The following TULP4 variants were observed in gnomAD, a reference collection of about 807,000 sequenced individuals.
TULP4 encodes TUB like protein 4, also known as tubby-related protein 4.
TULP4 carries 16 observed loss-of-function variants against 129.0 expected under a neutral mutation model. The observed-to-expected ratio is 0.12, with a 90% confidence interval of 0.08 to 0.19. The LOEUF (loss-of-function observed/expected upper bound fraction) is 0.19, where lower values mean the gene tolerates loss of function less well. Among genes scored for constraint, TULP4 ranks in the 10% least tolerant of loss-of-function variants. TULP4 has a pLI of 1.00. For synonymous variants in TULP4, 998 were observed against 854.0 expected (o/e 1.17, Z -2.94); for missense variants, 1,842 against 2,059.1 (o/e 0.89, Z 2.04).
chr6:158,334,031 A>C (rs185379802), intron 1 of TULP4, among the ~76,000 whole-genome samples: 1 of 152,278 alleles, frequency 6.6e-6, no homozygotes, highest in East Asian at 1.9e-4. Context: ...TATCCGCTTA[A>C]AATATTGTGT....
At chr6:158,315,317 G>A (rs1194566028) in intron 1 of TULP4, among the ~76,000 whole-genome samples, 1 of 152,042 alleles carries the variant, frequency 6.6e-6, no homozygotes, top group Non-Finnish European at 1.5e-5. Context: ...GAGGATGAGA[G>A]TGTCTCTGAG....
intron 13 of TULP4, among the ~76,000 whole-genome samples, chr6:158,505,567 G>A (rs1274085953): frequency 6.6e-6 from 1 of 152,238 alleles, no homozygotes. Flanking sequence ...TAGGATCAGG[G>A]CAGTGAGGAA....
At chr6:158,323,853 C>G (rs1779690076) in intron 1 of TULP4, among the ~76,000 whole-genome samples, 2 of 152,168 alleles carry the variant, frequency 1.3e-5, no homozygotes, top group African/African-American at 4.8e-5. Context: ...GAAACTGCAG[C>G]TTTAGGTGAA....
At chr6:158,456,010 T>C (rs1279459792) in intron 5 of TULP4, among the ~76,000 whole-genome samples, 1 of 152,172 alleles carries the variant, frequency 6.6e-6, no homozygotes, top group Non-Finnish European at 1.5e-5. Context: ...GAAGTTTTTA[T>C]ACCCTTTCCA....
chr6:158,232,564 G>T (rs1483606240), intron 1 of TULP4, among the ~76,000 whole-genome samples: 1 of 151,964 alleles, frequency 6.6e-6, no homozygotes, highest in Non-Finnish European at 1.5e-5. Context: ...GTCTCCGCGT[G>T]TGAGAAAATG....
chr6:158,331,782 C>T (rs9364487), intron 1 of TULP4, among the ~76,000 whole-genome samples: 42,003 of 51,106 alleles, frequency 0.82, 18,602 homozygotes, highest in South Asian at 0.91. Flanking sequence ...TATATATACA[C>T]ACACACATAC....
chr6:158,297,704 C>T (rs544651785), intron 1 of TULP4, among the ~76,000 whole-genome samples: 4 of 152,260 alleles, frequency 2.6e-5, no homozygotes, highest in African/African-American at 9.6e-5. Flanking sequence ...GCCTGACTTC[C>T]CACAACAGAT....
chr6:158,312,814 GTC>G lies in TULP4; in HGVS notation c.-1199_-1198del, dbSNP rs1443761207. ...ACTAGTGGTGTGGTGTTTGGAGACA[GTC>G]TCTGAATGTGAACAGGAAAGCACCC... On this transcript the variant is annotated 5_prime_UTR_variant, in exon 1 of 14. Transcript: ENST00000367097. 4 of 152,218 alleles carry G rather than the reference GTC, an allele frequency of 2.6e-5. No homozygotes were observed. Among genetic ancestry groups the G allele is most frequent in the African/African-American group, 9.7e-5 (4 of 41,440 alleles). 9.4% of individuals were successfully genotyped at this position (152,218 alleles called of 1,614,324 possible). A position where few individuals can be genotyped will look rare whatever the true frequency, so the allele number is the denominator to read the frequency against.
At chr6:158,432,548 T>G (rs559083551) in intron 3 of TULP4, among the ~76,000 whole-genome samples, 1 of 152,286 alleles carries the variant, frequency 6.6e-6, no homozygotes, top group East Asian at 1.9e-4. Context: ...TTAGGCTACT[T>G]CCTGTCAACT....
chr6:158,237,967 T>C (rs1393628929), intron 1 of TULP4: 6 of 728,804 alleles, frequency 8.2e-6, no homozygotes, highest in Non-Finnish European at 1.5e-5. Flanking sequence ...ATATTTGAGC[T>C]TGAAGTTTGC....
At chr6:158,307,247 G>A (rs989896952) in intron 1 of TULP4, among the ~76,000 whole-genome samples, 17 of 152,202 alleles carry the variant, frequency 1.1e-4, no homozygotes, top group East Asian at 1.9e-4. Context: ...GCAATATGTC[G>A]TTTTTGTTGA....
At chr6:158,281,968 T>C (rs1452961209), upstream of TULP4, among the ~76,000 whole-genome samples, 1 of 152,150 alleles carries the variant, frequency 6.6e-6, no homozygotes, top group African/African-American at 2.4e-5. Context: ...CTATCCTGAG[T>C]CTCTCTTTGC....
At chr6:158,354,549 G>GA (rs1387046222) in intron 1 of TULP4, among the ~76,000 whole-genome samples, 6 of 152,042 alleles carry the variant, frequency 3.9e-5, no homozygotes, top group Non-Finnish European at 5.9e-5. Context: ...TTGCTTTAGG[G>GA]AAAAAAATGT....
intron 1 of TULP4, among the ~76,000 whole-genome samples, chr6:158,291,396 G>A (rs1277810009): frequency 6.6e-6 from 1 of 152,182 alleles, no homozygotes; most frequent in Non-Finnish European, 1.5e-5. Flanking sequence ...CCGCTGTTGA[G>A]ATGTCTCTGT....
At chr6:158,422,206 T>C (rs1778359951) in intron 2 of TULP4, among the ~76,000 whole-genome samples, 1 of 151,938 alleles carries the variant, frequency 6.6e-6, no homozygotes, top group Admixed American at 6.6e-5. Flanking sequence ...TGGAAACAAA[T>C]CAACAAAATA....
At chr6:158,344,603 A>G (rs1008112659) in intron 1 of TULP4, among the ~76,000 whole-genome samples, 1 of 152,210 alleles carries the variant, frequency 6.6e-6, no homozygotes, top group Non-Finnish European at 1.5e-5. Context: ...AACTGTGTGC[A>G]TATAAGACAG....
chr6:158,346,827 T>TA (rs1780325019), intron 1 of TULP4, among the ~76,000 whole-genome samples: 1 of 129,516 alleles, frequency 7.7e-6, no homozygotes, highest in Admixed American at 8.0e-5. Context: ...TGATGATGAT[T>TA]CTGTAATTGT....
chr6:158,304,183 C>T (rs1247447795), intron 1 of TULP4, among the ~76,000 whole-genome samples: 1 of 152,082 alleles, frequency 6.6e-6, no homozygotes, highest in Non-Finnish European at 1.5e-5. Flanking sequence ...ACCATCCTGT[C>T]CCTAGGTTGA....
intron 1 of TULP4, among the ~76,000 whole-genome samples, chr6:158,396,177 A>G (rs1194647189): frequency 6.6e-6 from 1 of 152,238 alleles, no homozygotes; most frequent in Non-Finnish European, 1.5e-5. Context: ...GTTTGTACCT[A>G]GTAAATATTA....
Sources: gnomAD v4.1 joint callset for allele counts (sites outside exome capture counted in the v4.1 genomes callset) on GRCh38, gnomAD v4.1.1 for gene constraint, MANE v1.5 for transcripts, NCBI Gene and HGNC (gene_info 2026-07-23, HGNC 2026-07-21) for gene names.